PDZRN4: variants seen among roughly 807,000 people sequenced by gnomAD.
PDZRN4 encodes the protein PDZ domain containing ring finger 4, also known as PDZ domain-containing RING finger protein 4.
PDZRN4 carries 70 observed loss-of-function variants against 99.0 expected under a neutral mutation model. The ratio of observed to expected loss-of-function variants is 0.71; its 90% CI spans 0.58 to 0.86. The LOEUF (loss-of-function observed/expected upper bound fraction) is 0.86. Ranked by LOEUF, PDZRN4 falls within the 40% of genes least tolerant of loss-of-function variation. The probability of loss-of-function intolerance (pLI) is 0.00; values close to 1 mark genes in which losing one functional copy is unlikely to be tolerated. For missense variants in PDZRN4, 1,474 were observed against 1,331.2 expected, an observed-to-expected ratio of 1.11 and a Z score of -1.67; for synonymous variants, 551 against 501.6, an observed-to-expected ratio of 1.10 and a Z score of -1.32.
intron 3 of PDZRN4, among the ~76,000 whole-genome samples, chr12:41,297,465 G>A (rs1340030202): frequency 6.6e-6 from 1 of 152,062 alleles, no homozygotes; most frequent in East Asian, 1.9e-4. Context: ...GCTTTCACTG[G>A]TGCTGTGACT....
At chr12:41,262,854 T>C (rs1376953182) in intron 3 of PDZRN4, among the ~76,000 whole-genome samples, 1 of 152,052 alleles carries the variant, frequency 6.6e-6, no homozygotes, top group East Asian at 1.9e-4. Flanking sequence ...GATGTCGGCG[T>C]TTCTAGAATT....
intron 5 of PDZRN4, among the ~76,000 whole-genome samples, chr12:41,539,915 C>T (rs925065635): frequency 6.6e-6 from 1 of 152,010 alleles, no homozygotes; most frequent in Non-Finnish European, 1.5e-5. Flanking sequence ...ATATTCAGGT[C>T]TACTAATTGG....
intron 3 of PDZRN4, among the ~76,000 whole-genome samples, chr12:41,326,228 T>C (rs1951708832): frequency 6.6e-6 from 1 of 152,092 alleles, no homozygotes; most frequent in African/African-American, 2.4e-5. Flanking sequence ...TCTGCCCACC[T>C]TGGCCTTCCA....
intron 3 of PDZRN4, among the ~76,000 whole-genome samples, chr12:41,494,540 A>G (rs183725468): frequency 1.5e-3 from 232 of 152,108 alleles, no homozygotes; most frequent in African/African-American, 3.3e-3. Context: ...AATTCCAACT[A>G]TTCTATAGAA....
At chr12:41,263,102 T>G (rs1009055263) in intron 3 of PDZRN4, among the ~76,000 whole-genome samples, 4 of 152,252 alleles carry the variant, frequency 2.6e-5, no homozygotes, top group Non-Finnish European at 5.9e-5. Context: ...TAGTGAAGTC[T>G]CAAAGCAAAA....
At chr12:41,254,012 AAT>A (rs879487508) in intron 3 of PDZRN4, among the ~76,000 whole-genome samples, 1 of 119,404 alleles carries the variant, frequency 8.4e-6, no homozygotes, top group South Asian at 3.3e-4. Context: ...GATAAAAGGA[AAT>A]ATATATATAT....
At chr12:41,308,316 C>A (rs1951585194) in intron 3 of PDZRN4, among the ~76,000 whole-genome samples, 1 of 152,108 alleles carries the variant, frequency 6.6e-6, no homozygotes, top group Non-Finnish European at 1.5e-5. Flanking sequence ...TTCCTATATC[C>A]TCTCATTTAA....
At chr12:41,500,596 C>T (rs138455743) in intron 3 of PDZRN4, among the ~76,000 whole-genome samples, 89 of 151,822 alleles carry the variant, frequency 5.9e-4, no homozygotes, top group Admixed American at 2.4e-3. Flanking sequence ...TTTTAAAGGT[C>T]GAAGTTAATT....
chr12:41,400,444 C>T (rs554262991), intron 3 of PDZRN4, among the ~76,000 whole-genome samples: 1 of 152,274 alleles, frequency 6.6e-6, no homozygotes, highest in Admixed American at 6.5e-5. Context: ...ATTTGCAACA[C>T]TTTCGAGGCA....
intron 3 of PDZRN4, among the ~76,000 whole-genome samples, chr12:41,289,648 G>T (rs1951444322): frequency 6.8e-6 from 1 of 147,826 alleles, no homozygotes; most frequent in Non-Finnish European, 1.5e-5. Flanking sequence ...AGCTTGCAAG[G>T]CACGGCATGC....
At chr12:41,204,218 G>A (rs1043079829) in intron 3 of PDZRN4, among the ~76,000 whole-genome samples, 1 of 151,916 alleles carries the variant, frequency 6.6e-6, no homozygotes, top group African/African-American at 2.4e-5. Flanking sequence ...ATGGTGTTTA[G>A]TATAAATAGA....
chr12:41,343,042 A>G (rs1434067358), intron 3 of PDZRN4, among the ~76,000 whole-genome samples: 2 of 151,980 alleles, frequency 1.3e-5, no homozygotes, highest in Non-Finnish European at 2.9e-5. Context: ...CTATTCAGCC[A>G]TGAAAAAGAA....
intron 3 of PDZRN4, among the ~76,000 whole-genome samples, chr12:41,451,782 C>G (rs1300335323): frequency 6.6e-6 from 1 of 152,134 alleles, no homozygotes; most frequent in Non-Finnish European, 1.5e-5. Context: ...GGAGCACAAC[C>G]AGTAACAATA....
intron 3 of PDZRN4, among the ~76,000 whole-genome samples, chr12:41,384,728 T>C (rs1952154964): frequency 6.6e-6 from 1 of 152,150 alleles, no homozygotes; most frequent in Admixed American, 6.6e-5. Context: ...AAAGTCATCA[T>C]ATGTTGACTG....
intron 3 of PDZRN4, among the ~76,000 whole-genome samples, chr12:41,266,503 T>C (rs1358083279): frequency 6.6e-6 from 1 of 152,152 alleles, no homozygotes; most frequent in Non-Finnish European, 1.5e-5. Flanking sequence ...AGGAAGCAAA[T>C]ATGAAGCAGG....
At chr12:41,546,939 CA>C (rs1179418585) in intron 5 of PDZRN4, among the ~76,000 whole-genome samples, 1 of 152,098 alleles carries the variant, frequency 6.6e-6, no homozygotes, top group Non-Finnish European at 1.5e-5. Context: ...GGAGATCTCC[CA>C]AAAACTGACA....
chr12:41,416,353 A>C (rs1662509210), intron 3 of PDZRN4, among the ~76,000 whole-genome samples: 1 of 152,158 alleles, frequency 6.6e-6, no homozygotes, highest in African/African-American at 2.4e-5. Flanking sequence ...GATTAAAAAC[A>C]TTTGGTTTTG....
chr12:41,439,241 C>T lies in PDZRN4; in HGVS notation c.844-67215C>T, dbSNP rs571982808. ...TTGTTAATTACACCAGGGGCAATAC[C>T]TTTTGCTTCATTTTTTAATACAAAC... On this transcript the variant is annotated intron_variant, in intron 3 of 9. Coordinates refer to ENST00000402685, the MANE Select transcript of PDZRN4 (RefSeq NM_001164595.2). Among the ~76,000 whole-genome samples the T allele has an allele frequency of 7.9e-5, 12 of 152,184 alleles. No homozygotes were observed. The South Asian group carries it at 2.5e-3, about 32-fold the overall frequency.
chr12:41,345,954 A>T (rs2121025234), intron 3 of PDZRN4, among the ~76,000 whole-genome samples: 1 of 152,150 alleles, frequency 6.6e-6, no homozygotes, highest in African/African-American at 2.4e-5. Context: ...AATATTAGTT[A>T]TTATTCTTAT....
Sources: gnomAD v4.1 joint callset for allele counts (sites outside exome capture counted in the v4.1 genomes callset) on GRCh38, gnomAD v4.1.1 for gene constraint, MANE v1.5 for transcripts, NCBI Gene and HGNC (gene_info 2026-07-23, HGNC 2026-07-21) for gene names.